Variants in GRAMD2B observed in about 807,000 individuals in gnomAD.
The protein encoded by GRAMD2B is GRAM domain-containing protein 2B.
Under a neutral mutation model 59.2 loss-of-function variants are expected in GRAMD2B, and 41 were observed. The ratio of observed to expected loss-of-function variants is 0.69; its 90% CI spans 0.54 to 0.90. The LOEUF (loss-of-function observed/expected upper bound fraction) is 0.90, where lower values mean the gene tolerates loss of function less well. GRAMD2B is among the 40% of genes least tolerant of loss of function. The pLI, the probability that GRAMD2B is intolerant of heterozygous loss-of-function variation, is 0.00. For missense variants in GRAMD2B, 424 were observed against 500.5 expected (o/e 0.85, Z 1.46); for synonymous variants, 161 against 182.7 (o/e 0.88, Z 0.96).
At chr5:126,483,062 TTCTC>T (rs5871210) in intron 8 of GRAMD2B, among the ~76,000 whole-genome samples, 2,041 of 152,138 alleles carry the variant, frequency 0.013, 57 homozygotes, top group African/African-American at 0.047. Flanking sequence ...AGTAATATCT[TTCTC>T]TCTGTCTACA....
At chr5:126,447,191 G>C (rs1764399762) in intron 1 of GRAMD2B, among the ~76,000 whole-genome samples, 1 of 152,212 alleles carries the variant, frequency 6.6e-6, no homozygotes, top group Non-Finnish European at 1.5e-5. Context: ...AGCACCCTCA[G>C]TACTTTAGTC....
intron 1 of GRAMD2B, among the ~76,000 whole-genome samples, chr5:126,443,243 T>C (rs4426911): frequency 0.19 from 28,171 of 152,110 alleles, 5,129 homozygotes; most frequent in African/African-American, 0.48. Flanking sequence ...TTTTTACAAG[T>C]CCCATGCCTA....
intron 1 of GRAMD2B, among the ~76,000 whole-genome samples, chr5:126,453,348 GAAAAAA>G (rs35983190): frequency 7.8e-6 from 1 of 128,188 alleles, no homozygotes; most frequent in Non-Finnish European, 1.6e-5. Flanking sequence ...CATCTTAAAA[GAAAAAA>G]AAAAAAAAAA....
At position 126,493,196 on chromosome 5, in the gene GRAMD2B, C is replaced by A; in HGVS notation, c.*240C>A. The stretch of plus-strand genomic sequence containing the variant: ...TTTTGCTGCTTTTGCCTGAAGAAAA[C>A]AGACCCATCTCTGGAGGTCTCAGGA... On this transcript the variant is annotated 3_prime_UTR_variant, in exon 14 of 14. Transcript: ENST00000285689. 1 of 519,868 alleles carries A rather than the reference C, an allele frequency of 1.9e-6. No homozygotes were observed. Among genetic ancestry groups the A allele is most frequent in the South Asian group, 2.6e-5 (1 of 38,904 alleles). The allele number at this position is 519,868 out of a possible 1,614,324, so 32.2% of individuals were successfully genotyped here. A position where few individuals can be genotyped will look rare whatever the true frequency, so the allele number is the denominator to read the frequency against.
chr5:126,478,597 C>T (rs1046583921), intron 6 of GRAMD2B, among the ~76,000 whole-genome samples: 10 of 151,466 alleles, frequency 6.6e-5, no homozygotes, highest in East Asian at 2.0e-4. Flanking sequence ...AAAAATTAGC[C>T]GGGTTTGGTG....
intron 1 of GRAMD2B, among the ~76,000 whole-genome samples, chr5:126,393,576 C>T (rs779674321): frequency 7.2e-5 from 11 of 152,300 alleles, no homozygotes; most frequent in South Asian, 4.2e-4. Context: ...GGAAACCCAA[C>T]TTCTCCAGAA....
intron 1 of GRAMD2B, among the ~76,000 whole-genome samples, chr5:126,415,853 G>T (rs1759225250): frequency 6.6e-6 from 1 of 152,136 alleles, no homozygotes. Context: ...AAGACGAAAA[G>T]TCAGAATAAG....
chr5:126,479,630 GC>G (rs1470789269), intron 6 of GRAMD2B, among the ~76,000 whole-genome samples: 1 of 152,102 alleles, frequency 6.6e-6, no homozygotes, highest in East Asian at 1.9e-4. Flanking sequence ...AAGTGTAAGA[GC>G]CAGAATTTGC....
At chr5:126,389,776 C>T (rs763202704) in intron 1 of GRAMD2B, among the ~76,000 whole-genome samples, 2 of 152,006 alleles carry the variant, frequency 1.3e-5, no homozygotes, top group Non-Finnish European at 2.9e-5. Context: ...AGTAAAACCT[C>T]GTTCCTACTG....
chr5:126,371,942 T>C (rs1754794421), intron 1 of GRAMD2B, among the ~76,000 whole-genome samples: 1 of 152,134 alleles, frequency 6.6e-6, no homozygotes, highest in Non-Finnish European at 1.5e-5. Flanking sequence ...ACATGAACTA[T>C]TATTAAAATA....
intron 4 of GRAMD2B, 129 bp downstream of exon 4, chr5:126,472,433 T>C (rs1450622453): frequency 6.1e-6 from 4 of 659,616 alleles, no homozygotes; most frequent in Non-Finnish European, 1.1e-5. Flanking sequence ...AGTAATAACA[T>C]AACAATAACA....
chr5:126,467,940 T>G (rs1768771774), intron 2 of GRAMD2B, among the ~76,000 whole-genome samples: 1 of 152,210 alleles, frequency 6.6e-6, no homozygotes, highest in African/African-American at 2.4e-5. Flanking sequence ...TTCTCTAACT[T>G]CAGTCCTTTC....
At position 126,450,650 on chromosome 5, in the gene GRAMD2B, G is replaced by C. The variant is rs570241272; in HGVS notation, c.84-14776G>C. Among the ~76,000 whole-genome samples, 268 of 55,698 alleles carry C rather than the reference G, an allele frequency of 4.8e-3. 1 individual carries two copies. In the South Asian group the frequency reaches 0.093, roughly 19 times the overall value. 36.5% of individuals were successfully genotyped at this position (55,698 alleles called of 152,430 possible). A position where few individuals can be genotyped will look rare whatever the true frequency, so the allele number is the denominator to read the frequency against. ...CCAGTGACAGTCCATCCAGCCTGCT[G>C]TTAAAAAAAAAAAAAAAAAAAAAAA... On this transcript the variant is annotated intron_variant, in intron 1 of 13. Transcript: ENST00000285689.
intron 6 of GRAMD2B, among the ~76,000 whole-genome samples, chr5:126,478,424 A>C (rs6882961): frequency 0.96 from 146,223 of 152,146 alleles, 70,522 homozygotes; most frequent in East Asian, 1. Flanking sequence ...GGCAACAGAG[A>C]AAGACCCTGT....
At chr5:126,361,092 G>T (rs1041628200) in intron 1 of GRAMD2B, among the ~76,000 whole-genome samples, 5 of 152,150 alleles carry the variant, frequency 3.3e-5, no homozygotes, top group African/African-American at 7.2e-5. Flanking sequence ...TATATGTAGA[G>T]ATATTTAATT....
At chr5:126,392,359 C>T (rs996188113) in intron 1 of GRAMD2B, among the ~76,000 whole-genome samples, 7 of 152,094 alleles carry the variant, frequency 4.6e-5, no homozygotes. Context: ...GTACAGGCTT[C>T]CTTAGGCTCT....
upstream of GRAMD2B, among the ~76,000 whole-genome samples, chr5:126,419,260 T>C (rs1759509420): frequency 6.6e-6 from 1 of 151,518 alleles, no homozygotes; most frequent in African/African-American, 2.4e-5. Context: ...CTTACAATCA[T>C]AGTGAAAGGC....
chr5:126,451,020 G>A (rs1351817064), intron 1 of GRAMD2B, among the ~76,000 whole-genome samples: 3 of 152,348 alleles, frequency 2.0e-5, no homozygotes, highest in East Asian at 1.9e-4. Flanking sequence ...TAGGAAGGGG[G>A]CCACTGTCCT....
chr5:126,433,811 A>T (rs756017159), intron 1 of GRAMD2B: 3 of 152,224 alleles, frequency 2.0e-5, no homozygotes, highest in Non-Finnish European at 4.4e-5. Flanking sequence ...AAGCATGTGA[A>T]TGTTGTGTCT....
Sources: gnomAD v4.1 joint callset for allele counts (sites outside exome capture counted in the v4.1 genomes callset) on GRCh38, gnomAD v4.1.1 for gene constraint, MANE v1.5 for transcripts, NCBI Gene and HGNC (gene_info 2026-07-23, HGNC 2026-07-21) for gene names.